Variants in ART1 observed in about 807,000 individuals in gnomAD.
ART1 encodes ADP-ribosyltransferase 1, also known as GPI-linked NAD(P)(+)--arginine ADP-ribosyltransferase 1.
ART1 carries 29 observed loss-of-function variants against 27.0 expected under a neutral mutation model. That is an observed-to-expected ratio of 1.08 (90% CI 0.80 to 1.47). The LOEUF (loss-of-function observed/expected upper bound fraction) is 1.47, where lower values mean the gene tolerates loss of function less well. ART1 is among the 40% of genes most tolerant of loss of function. ART1 has a pLI of 0.00. For synonymous variants in ART1, 201 were observed against 172.2 expected (o/e 1.17, Z -1.31); for missense variants, 480 against 423.0 (o/e 1.13, Z -1.18).
At position 3,659,795 on chromosome 11, in the gene ART1, G is replaced by T. The variant is rs1482109018; in HGVS notation, c.276G>T (p.Arg92Ser). The T allele has an allele frequency of 6.2e-7, 1 of 1,612,986 alleles. No homozygotes were observed. Among genetic ancestry groups the T allele is most frequent in the Non-Finnish European group, 8.5e-7 (1 of 1,179,710 alleles). ...ASSQWQERQA[R>S]WPEWSLSPTR... is the part of the protein sequence containing the mutation. ...GCCAATGGCAGGAGCGTCAGGCCAGGTGGCCAGAGTGGAGTCTCAGCCCCA... is the reference window on the plus strand; with the variant it reads ...GCCAATGGCAGGAGCGTCAGGCCAGTTGGCCAGAGTGGAGTCTCAGCCCCA... Residue 92 changes from arginine to serine, a missense_variant, in exon 3 of 5, where the codon AGG becomes AGT. Arg to Ser is a moderately radical substitution (Grantham distance 110). Transcript: ENST00000250693.
At chr11:3,656,214 G>A (rs921117443) in intron 1 of ART1, among the ~76,000 whole-genome samples, 2 of 151,530 alleles carry the variant, frequency 1.3e-5, no homozygotes, top group African/African-American at 4.9e-5. Context: ...GATTACAAGC[G>A]TGAGCCACCG....
At chr11:3,656,213 C>A (rs774530311) in intron 1 of ART1, among the ~76,000 whole-genome samples, 211 of 151,978 alleles carry the variant, frequency 1.4e-3, no homozygotes, top group Admixed American at 2.6e-3. Flanking sequence ...GGATTACAAG[C>A]GTGAGCCACC....
Position 3,659,861 on chromosome 11 carries a change from T to TG in ART1, c.346dup (p.Val116GlyfsTer22), listed in dbSNP as rs746738511. On this transcript the variant is annotated frameshift_variant, in exon 3 of 5. Transcript: ENST00000250693. LOFTEE classifies it high-confidence loss of function. ...CACCCCTGGGCTTCCGCGATGAGCA[T>TG]GGGGTGGCCCTCCTGGCCTACACAG... The TG allele has an allele frequency of 3.7e-6, 6 of 1,612,556 alleles. No individual in the cohort carries two copies. The highest frequency in any genetic ancestry group is 4.2e-6 in the Non-Finnish European group (5 of 1,179,654).
At chr11:3,646,963 G>T (rs1310607250) in intron 1 of ART1, among the ~76,000 whole-genome samples, 1 of 152,136 alleles carries the variant, frequency 6.6e-6, no homozygotes, top group Non-Finnish European at 1.5e-5. Context: ...CATGTGTAAA[G>T]AGGGTACATC....
At chr11:3,647,535 G>A (rs528302932) in intron 1 of ART1, among the ~76,000 whole-genome samples, 5 of 147,258 alleles carry the variant, frequency 3.4e-5, no homozygotes, top group Non-Finnish European at 7.5e-5. Context: ...TTGGGAAGTT[G>A]AGGTGGGAGA....
At chr11:3,657,060 G>A (rs1317186066) in intron 1 of ART1, among the ~76,000 whole-genome samples, 16 of 152,150 alleles carry the variant, frequency 1.1e-4, no homozygotes, top group Admixed American at 1.0e-3. Flanking sequence ...CAGTGTCTTA[G>A]AGTCACTGAA....
chr11:3,660,131 C>A lies in ART1; in HGVS notation c.612C>A (p.Ser204=). Reference sequence around the variant, plus strand: ...GGCTGGGGGGCTTTGCTTCTGCCTCCCTGAAGCATGTTGCAGCCCAGCAGT... The same window carrying A: ...GGCTGGGGGGCTTTGCTTCTGCCTCACTGAAGCATGTTGCAGCCCAGCAGT... ...TVRLGGFASA[S]LKHVAAQQFG... Residue 204 remains serine, a synonymous_variant, in exon 3 of 5, where the codon TCC becomes TCA. Transcript: ENST00000250693. 1 of 1,613,952 alleles carries A rather than the reference C, an allele frequency of 6.2e-7. No homozygotes were observed. Among genetic ancestry groups the A allele is most frequent in the Non-Finnish European group, 8.5e-7 (1 of 1,180,010 alleles).
At chr11:3,663,635 G>A (rs2077639204) in intron 4 of ART1, among the ~76,000 whole-genome samples, 1 of 152,114 alleles carries the variant, frequency 6.6e-6, no homozygotes, top group South Asian at 2.1e-4. Flanking sequence ...TGTCACCCAG[G>A]TTGGAGTGCA....
intron 4 of ART1, 82 bp downstream of exon 4, chr11:3,661,495 T>TTTTTC: frequency 9.5e-7 from 1 of 1,047,506 alleles, no homozygotes. Flanking sequence ...TCGATCTTTT[T>TTTTTC]TTTTTTTTTT....
At chr11:3,657,504 G>C (rs1019119362) in intron 1 of ART1, among the ~76,000 whole-genome samples, 29 of 152,214 alleles carry the variant, frequency 1.9e-4, no homozygotes, top group African/African-American at 7.0e-4. Context: ...GAGCTCAGGA[G>C]GTCAAGGCTG....
intron 1 of ART1, among the ~76,000 whole-genome samples, chr11:3,655,052 T>C (rs1171386020): frequency 6.6e-6 from 1 of 152,224 alleles, no homozygotes; most frequent in African/African-American, 2.4e-5. Context: ...TCATGGTCTT[T>C]GGGTTGACGG....
chr11:3,659,975 G>A lies in ART1; in HGVS notation c.456G>A (p.Lys152=), dbSNP rs757702310. ...ACTACCTCCACCACTTCTCCTTCAA[G>A]ACACTCCATTTCCTGCTGACTGAGG... ...RAHYLHHFSF[K]TLHFLLTEAL... is the part of the protein sequence containing the mutation. The change falls in exon 3 of 5, where the codon AAG becomes AAA. Residue 152 remains lysine (K), a synonymous_variant. Transcript: ENST00000250693. 1 of 1,613,926 alleles carries A rather than the reference G, an allele frequency of 6.2e-7. No homozygotes were observed. The highest frequency in any genetic ancestry group is 1.3e-5 in the African/African-American group (1 of 74,928).
chr11:3,647,583 G>A (rs1384262650), intron 1 of ART1, among the ~76,000 whole-genome samples: 5 of 152,092 alleles, frequency 3.3e-5, no homozygotes, highest in Middle Eastern at 3.4e-3. Context: ...GAAGTGAGCC[G>A]AGATTGCACC....
chr11:3,664,188 G>A lies in ART1; in HGVS notation c.983G>A (p.Ter328=), dbSNP rs754820651. Residue 328 remains the stop codon, a stop_retained_variant, in exon 5 of 5, where the codon TGA becomes TAA. Transcript: ENST00000250693. The part of the protein sequence containing the change: ...RAFPDGPGLL[*] Reference sequence around the variant, plus strand: ...TTTCCAGATGGTCCAGGCCTCCTTTGATGCATGAGACACGGGACAGCCTCG... The same window carrying A: ...TTTCCAGATGGTCCAGGCCTCCTTTAATGCATGAGACACGGGACAGCCTCG... 1 of 1,613,502 alleles carries A rather than the reference G, an allele frequency of 6.2e-7. No individual in the cohort carries two copies. Among genetic ancestry groups the A allele is most frequent in the African/African-American group, 1.3e-5 (1 of 74,884 alleles).
In ART1 at chr11:3,661,420, G is replaced by C. The variant is rs935626255; in HGVS notation, c.886+7G>C. Reference sequence around the variant, plus strand: ...TGCCATCTGGATAATTCAGGTAAGGGCTGCAGGCACCTGTGGGACTCAGTT... The same window carrying C: ...TGCCATCTGGATAATTCAGGTAAGGCCTGCAGGCACCTGTGGGACTCAGTT... On this transcript the variant is annotated splice_region_variant and intron_variant, in intron 4 of 4. Transcript: ENST00000250693. The C allele has an allele frequency of 1.9e-6, 3 of 1,611,326 alleles. No individual in the cohort carries two copies. In the African/African-American group the frequency reaches 4.0e-5, roughly 22 times the overall value.
intron 1 of ART1, among the ~76,000 whole-genome samples, chr11:3,645,460 G>T (rs564499810): frequency 6.6e-6 from 1 of 152,206 alleles, no homozygotes; most frequent in Admixed American, 6.5e-5. Flanking sequence ...GGACAGAAGC[G>T]CAGCTCCCTT....
intron 1 of ART1, among the ~76,000 whole-genome samples, chr11:3,652,239 C>T (rs909529534): frequency 6.6e-6 from 1 of 151,076 alleles, no homozygotes; most frequent in Non-Finnish European, 1.5e-5. Flanking sequence ...TAGGTACAGG[C>T]CTTTCCTACA....
chr11:3,653,179 T>A lies in ART1; in HGVS notation c.-52-5983T>A, dbSNP rs1044756393. ...CCAAAAATTTTCACCGTCCCAACAC[T>A]TTACCACTATTTCATTTTATTTTTC... On this transcript the variant is annotated intron_variant, in intron 1 of 4. Transcript: ENST00000250693. 2.7e-5 allele frequency among the ~76,000 whole-genome samples: 4 copies of A among 148,562 alleles called. 1 individual carries two copies. Among genetic ancestry groups the A allele is most frequent in the Admixed American group, 1.3e-4 (2 of 15,094 alleles).
intron 1 of ART1, among the ~76,000 whole-genome samples, chr11:3,651,353 T>C (rs908525578): frequency 2.6e-5 from 4 of 151,064 alleles, no homozygotes; most frequent in Non-Finnish European, 5.9e-5. Flanking sequence ...AATTTCATCC[T>C]CATCTGTTAC....
Sources: gnomAD v4.1 joint callset for allele counts (sites outside exome capture counted in the v4.1 genomes callset) on GRCh38, gnomAD v4.1.1 for gene constraint, MANE v1.5 for transcripts, NCBI Gene and HGNC (gene_info 2026-07-23, HGNC 2026-07-21) for gene names.